Variants in ITGB2 observed in about 807,000 individuals in gnomAD.
The protein encoded by ITGB2 is integrin beta-2.
A neutral mutation model predicts 86.8 loss-of-function variants in ITGB2; 56 were observed. The ratio of observed to expected loss-of-function variants is 0.65; its 90% CI spans 0.52 to 0.81. The LOEUF (loss-of-function observed/expected upper bound fraction) is 0.81. Ranked by LOEUF, ITGB2 falls within the 30% of genes least tolerant of loss-of-function variation. The pLI, the probability that ITGB2 is intolerant of heterozygous loss-of-function variation, is 0.00. For missense variants in ITGB2, 948 were observed against 1,061.2 expected (o/e 0.89, Z 1.48); for synonymous variants, 457 against 450.4 (o/e 1.01, Z -0.19).
In ITGB2 at chr21:44,886,430, C is replaced by T; in HGVS notation, c.2248G>A (p.Asp750Asn). 1 of 1,614,062 alleles carries T rather than the reference C, an allele frequency of 6.2e-7. No individual in the cohort carries two copies. Among genetic ancestry groups the T allele is most frequent in the Non-Finnish European group, 8.5e-7 (1 of 1,179,972 alleles). The change falls in exon 16 of 16, where the codon GAT becomes AAT. Residue 750 changes from aspartate to asparagine, a missense_variant and splice_region_variant. Transcript: ENST00000652462. Reference protein sequence around the residue: ...KEKLKSQWNNDNPLFKSATTT... With the variant: ...KEKLKSQWNNNNPLFKSATTT... ...GTGGCGCTCTTGAAAAGGGGATTATCCTGGTGGGAAATGCAAACAGGGGCT... is the reference window on the plus strand; with the variant it reads ...GTGGCGCTCTTGAAAAGGGGATTATTCTGGTGGGAAATGCAAACAGGGGCT...
In ITGB2 at chr21:44,907,110, T is replaced by A. The variant is rs1234895512; in HGVS notation, c.148-15A>T. 1.9e-6 allele frequency: 3 copies of A among 1,579,816 alleles called. No individual in the cohort carries two copies. Among genetic ancestry groups the A allele is most frequent in the African/African-American group, 2.7e-5 (2 of 73,858 alleles). On this transcript the variant is annotated splice_polypyrimidine_tract_variant and intron_variant, in intron 3 of 15. Transcript: ENST00000652462. ...CCTGTGAAGTTCTGGGGAGGGGGAGTCAGGGGTCAGGAGGGGGCCACACTG... is the reference window on the plus strand; with the variant it reads ...CCTGTGAAGTTCTGGGGAGGGGGAGACAGGGGTCAGGAGGGGGCCACACTG...
rs1568909693 is a variant in ITGB2, at chr21:44,919,027, G to GAGCGTCCCCTCTCC, written c.-4+1793_-4+1794insGGAGAGGGGACGCT. Among the ~76,000 whole-genome samples, 55 of 146,612 alleles carry GAGCGTCCCCTCTCC rather than the reference G, an allele frequency of 3.8e-4. 13 individuals carry two copies. Among genetic ancestry groups the GAGCGTCCCCTCTCC allele is most frequent in the South Asian group, 1.7e-3 (8 of 4,672 alleles). On this transcript the variant is annotated intron_variant, in intron 1 of 15. Transcript: ENST00000652462. ...CCTCTCCCAGCACTCGGAGGCACCTGCAGTTGCTCAGCTGTTCATTGAGTG... is the reference window on the plus strand; with the variant it reads ...CCTCTCCCAGCACTCGGAGGCACCTGAGCGTCCCCTCTCCCAGTTGCTCAGCTGTTCATTGAGTG...
At chr21:44,920,238 GCA>G (rs369519324) in intron 1 of ITGB2, among the ~76,000 whole-genome samples, 10 of 151,582 alleles carry the variant, frequency 6.6e-5, no homozygotes, top group Admixed American at 1.3e-4. Context: ...CACCATACAT[GCA>G]CACACACACA....
intron 10 of ITGB2, among the ~76,000 whole-genome samples, chr21:44,892,564 C>G (rs995391882): frequency 7.3e-6 from 1 of 137,702 alleles, no homozygotes; most frequent in Non-Finnish European, 1.5e-5. Flanking sequence ...AAGATCGCAC[C>G]AGTGCACTCC....
At chr21:44,926,060 G>A (rs533266345) in intron 1 of ITGB2, among the ~76,000 whole-genome samples, 4 of 152,188 alleles carry the variant, frequency 2.6e-5, no homozygotes, top group Non-Finnish European at 4.4e-5. Context: ...AGCCAAGATC[G>A]TGCCACTGCA....
intron 1 of ITGB2, among the ~76,000 whole-genome samples, chr21:44,926,137 A>G (rs1203721746): frequency 1.3e-5 from 2 of 150,174 alleles, no homozygotes; most frequent in African/African-American, 5.0e-5. Flanking sequence ...AAATAAATTA[A>G]TTAATTAATT....
intron 1 of ITGB2, among the ~76,000 whole-genome samples, chr21:44,920,618 T>C (rs2084289038): frequency 6.6e-6 from 1 of 152,164 alleles, no homozygotes; most frequent in African/African-American, 2.4e-5. Flanking sequence ...CAGCACACCA[T>C]GTGGCTCTGC....
At chr21:44,924,900 C>T (rs911506438), upstream of ITGB2, among the ~76,000 whole-genome samples, 32 of 152,138 alleles carry the variant, frequency 2.1e-4, no homozygotes, top group African/African-American at 6.8e-4. Context: ...TCCCTGCAGA[C>T]CCACACACCC....
intron 1 of ITGB2, chr21:44,911,004 T>A (rs2084123515): frequency 1.7e-6 from 1 of 589,824 alleles, no homozygotes; most frequent in Non-Finnish European, 3.0e-6. Flanking sequence ...GCACACCTGC[T>A]CAGCCAGGCA....
chr21:44,917,467 G>A (rs567783372), intron 1 of ITGB2, among the ~76,000 whole-genome samples: 20 of 152,318 alleles, frequency 1.3e-4, no homozygotes, highest in Middle Eastern at 3.4e-3. Flanking sequence ...GGTGGCCGAC[G>A]AATTATGCTG....
At chr21:44,912,447 G>A (rs1015680618) in intron 1 of ITGB2, among the ~76,000 whole-genome samples, 1 of 152,226 alleles carries the variant, frequency 6.6e-6, no homozygotes, top group Non-Finnish European at 1.5e-5. Flanking sequence ...AGGTCCTGTT[G>A]TTTTGGCAGT....
At position 44,886,203 on chromosome 21, in the gene ITGB2, GCCC is replaced by G; in HGVS notation, c.*162_*164del. 10 of 689,148 alleles carry G rather than the reference GCCC, an allele frequency of 1.5e-5. No individual in the cohort carries two copies. Among genetic ancestry groups the G allele is most frequent in the Admixed American group, 1.0e-4 (5 of 47,928 alleles). 42.7% of individuals were successfully genotyped at this position (689,148 alleles called of 1,614,324 possible). A position where few individuals can be genotyped will look rare whatever the true frequency, so the allele number is the denominator to read the frequency against. On this transcript the variant is annotated 3_prime_UTR_variant, in exon 16 of 16. Coordinates refer to ENST00000652462, the MANE Select transcript of ITGB2 (RefSeq NM_000211.5). ...CAGAGTGGAGCTGTCCCCCCGACGA[GCCC>G]CCAGAAGCACCCGGCCGGCCATGGC...
chr21:44,903,487 G>T lies in ITGB2; in HGVS notation c.377C>A (p.Pro126His), dbSNP rs763505620. Residue 126 changes from proline (P) to histidine (H), a missense_variant, in exon 5 of 16, where the codon CCC becomes CAC. Physicochemically the swap from Pro to His is moderately conservative, Grantham distance 77. Transcript: ENST00000652462. ...NVTFRRAKGY[P>H]IDLYYLMDLS... ...GTCCATCAGATAGTACAGGTCGATG[G>T]GGTAGCCCTTGGCCCGCCGGAAGGT... The T allele has an allele frequency of 1.2e-6, 2 of 1,614,120 alleles. No individual in the cohort carries two copies. The highest frequency in any genetic ancestry group is 2.2e-5 in the South Asian group (2 of 91,080).
chr21:44,900,592 C>T (rs1226540727), intron 6 of ITGB2, 117 bp from the exon 7 acceptor site: 4 of 1,293,602 alleles, frequency 3.1e-6, no homozygotes, highest in Non-Finnish European at 4.3e-6. Flanking sequence ...TGTGGGTCCC[C>T]CTTTCCCCTG....
Position 44,886,863 on chromosome 21 carries a change from C to T in ITGB2, c.2120G>A (p.Gly707Asp). 8.7e-6 allele frequency: 14 copies of T among 1,613,532 alleles called. No homozygotes were observed. Among genetic ancestry groups the T allele is most frequent in the Non-Finnish European group, 1.2e-5 (14 of 1,180,004 alleles). Residue 707 changes from glycine (G) to aspartate (D), a missense_variant, in exon 15 of 16, where the codon GGC (glycine) becomes GAC (aspartate). Physicochemically the swap from Gly to Asp is moderately conservative, Grantham distance 94. Transcript: ENST00000652462. ...AGPNIAAIVG[G>D]TVAGIVLIGI... ...GATCAGCACGATGCCTGCCACGGTG[C>T]CCCCGACGATGGCGGCGATGTTGGG...
intron 11 of ITGB2, among the ~76,000 whole-genome samples, chr21:44,890,995 G>A (rs760370653): frequency 3.9e-5 from 6 of 152,084 alleles, no homozygotes; most frequent in Non-Finnish European, 7.4e-5. Context: ...CTGAGATATG[G>A]GAGGAGGCTG....
At chr21:44,886,925 G>A in intron 14 of ITGB2, 23 bp from the exon 15 acceptor site, 1 of 1,610,348 alleles carries the variant, frequency 6.2e-7, no homozygotes, top group Non-Finnish European at 8.5e-7. Context: ...CAGCACACCT[G>A]AGCGTCAGTC....
intron 1 of ITGB2, among the ~76,000 whole-genome samples, chr21:44,926,225 G>C (rs929316404): frequency 3.3e-5 from 5 of 152,200 alleles, no homozygotes; most frequent in Non-Finnish European, 5.9e-5. Flanking sequence ...CTTGCTATGG[G>C]GGGACCCAGA....
intron 10 of ITGB2, among the ~76,000 whole-genome samples, chr21:44,892,315 G>A (rs536853157): frequency 6.6e-6 from 1 of 152,360 alleles, no homozygotes; most frequent in East Asian, 1.9e-4. Flanking sequence ...TGAGGGAAAC[G>A]TTCTGGTGAG....
Sources: gnomAD v4.1 joint callset for allele counts (sites outside exome capture counted in the v4.1 genomes callset) on GRCh38, gnomAD v4.1.1 for gene constraint, MANE v1.5 for transcripts, NCBI Gene and HGNC (gene_info 2026-07-23, HGNC 2026-07-21) for gene names.